Variants in PSD3 observed in about 807,000 individuals in gnomAD.
PSD3 encodes pleckstrin and Sec7 domain containing 3.
PSD3 carries 49 observed loss-of-function variants against 105.5 expected under a neutral mutation model. The observed-to-expected ratio is 0.46, with a 90% CI of 0.37 to 0.59. The LOEUF is 0.59. PSD3 is among the 20% of genes least tolerant of loss of function. PSD3 has a pLI of 0.00. For missense variants in PSD3, 1,561 were observed against 1,263.8 expected (o/e 1.24, Z -3.57); for synonymous variants, 557 against 457.8 (o/e 1.22, Z -2.77).
At chr8:18,648,325 G>A (rs1808210834) in intron 10 of PSD3, among the ~76,000 whole-genome samples, 1 of 152,176 alleles carries the variant, frequency 6.6e-6, no homozygotes, top group South Asian at 2.1e-4. Flanking sequence ...GTATCAGATG[G>A]CAATGAGGAA....
At chr8:18,988,902 G>A (rs192064361) in intron 1 of PSD3, among the ~76,000 whole-genome samples, 21 of 152,282 alleles carry the variant, frequency 1.4e-4, no homozygotes, top group Non-Finnish European at 2.1e-4. Flanking sequence ...GAATGTAAGC[G>A]CTTGCCATTT....
intron 1 of PSD3, among the ~76,000 whole-genome samples, chr8:18,962,435 G>T (rs1271339431): frequency 6.6e-6 from 1 of 151,978 alleles, no homozygotes; most frequent in Non-Finnish European, 1.5e-5. Context: ...CATTAAAGTT[G>T]GGAATATATG....
rs1227834922 is a variant in PSD3 at position 18,535,183 on chromosome 8, C to T, written c.*560G>A. The T allele has an allele frequency of 6.5e-6, 1 of 154,328 alleles. No individual in the cohort carries two copies. The highest frequency in any genetic ancestry group is 1.9e-4 in the East Asian group (1 of 5,222). 9.6% of individuals were successfully genotyped at this position (154,328 alleles called of 1,614,324 possible). ...TTCCAGCAGGGTCCGATCTCAACAA[C>T]AAGTGCTAAGCTGCACATGAAGCTG... is the stretch of plus-strand genomic sequence containing the variant. On this transcript the variant is annotated 3_prime_UTR_variant, in exon 16 of 16. Coordinates refer to ENST00000327040, the MANE Select transcript of PSD3 (RefSeq NM_015310.4).
At chr8:18,907,730 A>C (rs1819939360) in intron 2 of PSD3, among the ~76,000 whole-genome samples, 1 of 152,232 alleles carries the variant, frequency 6.6e-6, no homozygotes, top group African/African-American at 2.4e-5. Flanking sequence ...TTCTCAGAAC[A>C]TATACCCATC....
intron 1 of PSD3, among the ~76,000 whole-genome samples, chr8:18,943,430 G>A (rs1217943181): frequency 6.6e-6 from 1 of 151,958 alleles, no homozygotes; most frequent in African/African-American, 2.4e-5. Context: ...CAAACCCACA[G>A]GAAATAGAAT....
chr8:18,801,207 T>A, intron 7 of PSD3, 63 bp downstream of exon 7: 1 of 1,057,932 alleles, frequency 9.5e-7, no homozygotes, highest in South Asian at 1.5e-5. Flanking sequence ...AAAATTTAAC[T>A]TTCATAATAA....
chr8:18,557,672 G>T (rs1237724456), intron 14 of PSD3, among the ~76,000 whole-genome samples: 1 of 152,126 alleles, frequency 6.6e-6, no homozygotes, highest in African/African-American at 2.4e-5. Flanking sequence ...AAAACAAAAT[G>T]AAACACTCCA....
chr8:19,037,209 G>C (rs28427179), intron 1 of PSD3, among the ~76,000 whole-genome samples: 5,836 of 152,350 alleles, frequency 0.038, 374 homozygotes, highest in African/African-American at 0.13. Flanking sequence ...TTTCTGTGCT[G>C]AAGAATCTGA....
chr8:18,649,935 T>G (rs1056990632), intron 10 of PSD3, among the ~76,000 whole-genome samples: 26 of 152,226 alleles, frequency 1.7e-4, no homozygotes, highest in African/African-American at 4.8e-4. Context: ...GCTGAGCAGA[T>G]GCTAGCATCA....
chr8:18,862,865 A>C (rs1160987149), intron 4 of PSD3, among the ~76,000 whole-genome samples: 1 of 151,514 alleles, frequency 6.6e-6, no homozygotes, highest in East Asian at 1.9e-4. Flanking sequence ...TCCATTTGAG[A>C]AGGAGGAGAA....
intron 12 of PSD3, among the ~76,000 whole-genome samples, chr8:18,595,420 G>C (rs1054946685): frequency 1.4e-5 from 2 of 143,578 alleles, no homozygotes; most frequent in Non-Finnish European, 1.5e-5. Flanking sequence ...ATCACAGCTG[G>C]GAGTGTGGTT....
At chr8:18,840,668 G>A (rs1022420246) in intron 4 of PSD3, among the ~76,000 whole-genome samples, 1 of 152,186 alleles carries the variant, frequency 6.6e-6, no homozygotes, top group African/African-American at 2.4e-5. Flanking sequence ...GCAGGCCAGT[G>A]GCAGAGCTGG....
chr8:18,618,352 G>A (rs1450507457), intron 11 of PSD3, among the ~76,000 whole-genome samples: 1 of 151,288 alleles, frequency 6.6e-6, no homozygotes, highest in East Asian at 1.9e-4. Flanking sequence ...ACCACCTTGG[G>A]CACATGTTCT....
chr8:18,578,634 T>C (rs1170403798), intron 12 of PSD3, among the ~76,000 whole-genome samples: 3 of 152,088 alleles, frequency 2.0e-5, no homozygotes, highest in Non-Finnish European at 2.9e-5. Context: ...GACTGTCTCA[T>C]TTGGAGCCAC....
At chr8:19,007,737 T>G (rs1274071158) in intron 1 of PSD3, among the ~76,000 whole-genome samples, 1 of 152,234 alleles carries the variant, frequency 6.6e-6, no homozygotes, top group Non-Finnish European at 1.5e-5. Flanking sequence ...AATGCTTAAA[T>G]CAACAGCATA....
At chr8:18,831,546 A>G (rs1414513602) in intron 4 of PSD3, among the ~76,000 whole-genome samples, 2 of 152,118 alleles carry the variant, frequency 1.3e-5, no homozygotes, top group Non-Finnish European at 2.9e-5. Context: ...ACATGGTGAA[A>G]CCCAGTCTCT....
chr8:18,608,647 A>C (rs1805037147), intron 11 of PSD3, among the ~76,000 whole-genome samples: 1 of 152,262 alleles, frequency 6.6e-6, no homozygotes, highest in African/African-American at 2.4e-5. Context: ...TTTTTGTAAA[A>C]GTGAAATGCT....
intron 9 of PSD3, among the ~76,000 whole-genome samples, chr8:18,763,721 C>T (rs1042062258): frequency 1.3e-5 from 2 of 152,090 alleles, no homozygotes; most frequent in Admixed American, 6.6e-5. Context: ...TTAAAGAAAA[C>T]CTTTTCTTAC....
At chr8:18,950,609 T>C (rs1823175318) in intron 1 of PSD3, among the ~76,000 whole-genome samples, 1 of 152,208 alleles carries the variant, frequency 6.6e-6, no homozygotes, top group South Asian at 2.1e-4. Context: ...AGAGCCCACA[T>C]ACAAGTGAGA....
Sources: allele counts gnomAD v4.1 joint callset (sites outside exome capture counted in the v4.1 genomes callset), GRCh38; gene constraint gnomAD v4.1.1; transcripts MANE v1.5; gene names NCBI Gene and HGNC (gene_info 2026-07-23, HGNC 2026-07-21).